SEMA3D: variants seen among roughly 807,000 people sequenced by gnomAD.
SEMA3D encodes the protein semaphorin 3D.
In SEMA3D, 84 loss-of-function variants were observed where a neutral mutation model predicts 100.1. That is an observed-to-expected ratio of 0.84 (90% CI 0.70 to 1.01). SEMA3D has a LOEUF of 1.01. SEMA3D is among the 50% of genes least tolerant of loss of function. The probability of loss-of-function intolerance (pLI) is 0.00; values close to 1 mark genes in which losing one functional copy is unlikely to be tolerated. For missense variants in SEMA3D, 875 were observed against 934.1 expected, an observed-to-expected ratio of 0.94 and a Z score of 0.82; for synonymous variants, 312 against 320.7, an observed-to-expected ratio of 0.97 and a Z score of 0.29.
At chr7:85,153,528 G>T (rs988952582) in intron 2 of SEMA3D, 80 bp downstream of exon 2, 3 of 148,178 alleles carry the variant, frequency 2.0e-5, no homozygotes, top group African/African-American at 7.5e-5. Context: ...ACAAGTAGGA[G>T]AAATGCATCT....
At position 84,999,245 on chromosome 7, in the gene SEMA3D, T is replaced by G. The variant is rs1789583686; in HGVS notation, c.*195A>C. The G allele has an allele frequency of 1.7e-6, 1 of 573,074 alleles. No individual in the cohort carries two copies. Among genetic ancestry groups the G allele is most frequent in the Non-Finnish European group, 3.1e-6 (1 of 324,916 alleles). 35.5% of individuals were successfully genotyped at this position (573,074 alleles called of 1,614,324 possible). On this transcript the variant is annotated 3_prime_UTR_variant, in exon 19 of 19. Coordinates refer to ENST00000284136, the MANE Select transcript of SEMA3D (RefSeq NM_001384900.1). ...TTCTTATACTTTGCTTGTGCAAGAT[T>G]TGTTCTTGGAAAACTGGTTCAAATG...
intron 5 of SEMA3D, among the ~76,000 whole-genome samples, chr7:85,076,553 A>G (rs1455524015): frequency 1.3e-5 from 2 of 152,220 alleles, no homozygotes; most frequent in African/African-American, 4.8e-5. Context: ...ATAAAATCCA[A>G]AACAGCTTTA....
At chr7:85,188,898 A>G (rs1791634599), upstream of SEMA3D, among the ~76,000 whole-genome samples, 1 of 152,178 alleles carries the variant, frequency 6.6e-6, no homozygotes, top group Admixed American at 6.6e-5. Context: ...ACTTTATATT[A>G]TAATTAGTTA....
At chr7:85,033,351 T>C (rs1790597481) in intron 12 of SEMA3D, among the ~76,000 whole-genome samples, 2 of 152,144 alleles carry the variant, frequency 1.3e-5, no homozygotes, top group South Asian at 4.1e-4. Flanking sequence ...TTCAGAGAAG[T>C]GTCTGTGTGC....
At chr7:85,157,913 C>A (rs1790643698) in intron 1 of SEMA3D, among the ~76,000 whole-genome samples, 1 of 152,136 alleles carries the variant, frequency 6.6e-6, no homozygotes. Flanking sequence ...TTTATAATTT[C>A]TTACGCTTGT....
At chr7:85,237,866 C>T in the SEMA3D span, among the ~76,000 whole-genome samples, 1 of 152,184 alleles carries the variant, frequency 6.6e-6, no homozygotes, top group Non-Finnish European at 1.5e-5. Context: ...GGGAGCTGCA[C>T]CATCTTTCAT....
chr7:85,168,177 A>T (rs1247909854), intron 1 of SEMA3D, among the ~76,000 whole-genome samples: 1 of 151,830 alleles, frequency 6.6e-6, no homozygotes, highest in African/African-American at 2.4e-5. Flanking sequence ...AAATATGTGG[A>T]AAATGGCCCA....
At chr7:85,125,802 G>C (rs571205616) in intron 2 of SEMA3D, among the ~76,000 whole-genome samples, 2 of 151,956 alleles carry the variant, frequency 1.3e-5, no homozygotes, top group East Asian at 1.9e-4. Context: ...GTGTGTGTGT[G>C]TGTTGTGTGC....
intron 6 of SEMA3D, among the ~76,000 whole-genome samples, chr7:85,069,278 T>A (rs565492327): frequency 2.0e-5 from 3 of 152,206 alleles, no homozygotes; most frequent in Non-Finnish European, 4.4e-5. Flanking sequence ...GCACTTCAGA[T>A]CTTTGTTTTT....
the SEMA3D span, among the ~76,000 whole-genome samples, chr7:85,243,833 G>T: frequency 6.6e-6 from 1 of 152,162 alleles, no homozygotes; most frequent in Non-Finnish European, 1.5e-5. Context: ...TCCTATTGAA[G>T]ATGTTGCAAT....
chr7:85,186,105 A>G (rs1349307837), intron 1 of SEMA3D, among the ~76,000 whole-genome samples: 3 of 152,160 alleles, frequency 2.0e-5, no homozygotes, highest in South Asian at 2.1e-4. Context: ...CCAAAACGCT[A>G]CAACAAAAAC....
At chr7:85,061,388 C>G (rs1791473891) in intron 8 of SEMA3D, among the ~76,000 whole-genome samples, 1 of 152,260 alleles carries the variant, frequency 6.6e-6, no homozygotes, top group South Asian at 2.1e-4. Flanking sequence ...GGGCACAGAA[C>G]ATAATATGCC....
intron 2 of SEMA3D, among the ~76,000 whole-genome samples, chr7:85,126,873 GA>G: frequency 6.6e-6 from 1 of 152,130 alleles, no homozygotes; most frequent in Non-Finnish European, 1.5e-5. Flanking sequence ...AGTGGTATGT[GA>G]AAAGGTCCAC....
chr7:85,022,463 T>G lies in SEMA3D; in HGVS notation c.1342A>C (p.Arg448=). Residue 448 remains arginine, a synonymous_variant, in exon 13 of 19, where the codon AGA becomes CGA. Transcript: ENST00000284136. The part of the protein sequence containing the change: ...PTFKRINVDY[R]LTQIVVDHVI... The stretch of plus-strand genomic sequence containing the variant: ...TGATCCACCACTATCTGTGTCAGTC[T>G]GTAATCCACATTGATTCTCTTGAAC... 6.2e-7 allele frequency: 1 copy of G among 1,612,630 alleles called. No homozygotes were observed. Among genetic ancestry groups the G allele is most frequent in the Non-Finnish European group, 8.5e-7 (1 of 1,178,984 alleles).
In SEMA3D at chr7:85,042,401, A is replaced by C. The variant is rs60510309; in HGVS notation, c.862-116T>G. ...GATGTCATTGTTTACAAAGACACTG[A>C]ACCCAGATATTGAGTCCTTGAACTT... On this transcript the variant is annotated intron_variant, in intron 9 of 18. Coordinates refer to ENST00000284136, the MANE Select transcript of SEMA3D (RefSeq NM_001384900.1). 18,246 of 721,776 alleles carry C rather than the reference A, an allele frequency of 0.025. 2,342 individuals are homozygous for C. In the African/African-American group the frequency reaches 0.28, roughly 11 times the overall value. The allele number at this position is 721,776 out of a possible 1,614,324, so 44.7% of individuals were successfully genotyped here. A position where few individuals can be genotyped will look rare whatever the true frequency, so the allele number is the denominator to read the frequency against.
At chr7:85,061,425 A>C (rs558808257) in intron 8 of SEMA3D, among the ~76,000 whole-genome samples, 101 of 152,302 alleles carry the variant, frequency 6.6e-4, no homozygotes, top group African/African-American at 2.2e-3. Context: ...AGAATTTTAA[A>C]CCCCCTAAGT....
chr7:85,082,086 A>G (rs150498023), intron 4 of SEMA3D, among the ~76,000 whole-genome samples: 249 of 152,306 alleles, frequency 1.6e-3, no homozygotes, highest in African/African-American at 5.8e-3. Context: ...ACTTAGCTAA[A>G]TGTTTTATAA....
At chr7:85,037,311 G>A (rs1162484897) in intron 11 of SEMA3D, among the ~76,000 whole-genome samples, 3 of 152,094 alleles carry the variant, frequency 2.0e-5, no homozygotes, top group African/African-American at 7.2e-5. Flanking sequence ...TCAGGGAGGA[G>A]GTGTCATCTA....
intron 2 of SEMA3D, among the ~76,000 whole-genome samples, chr7:85,147,451 C>T (rs1283229141): frequency 6.6e-6 from 1 of 151,954 alleles, no homozygotes; most frequent in Non-Finnish European, 1.5e-5. Flanking sequence ...TGCCTGGCCT[C>T]TGTCAGTCTT....
Sources: gnomAD v4.1 joint callset for allele counts (sites outside exome capture counted in the v4.1 genomes callset) on GRCh38, gnomAD v4.1.1 for gene constraint, MANE v1.5 for transcripts, NCBI Gene and HGNC (gene_info 2026-07-23, HGNC 2026-07-21) for gene names.